Variants in GDAP2 observed in about 807,000 individuals in gnomAD.
GDAP2 encodes ganglioside induced differentiation associated protein 2, also known as ganglioside-induced differentiation-associated protein 2.
A neutral mutation model predicts 67.0 loss-of-function variants in GDAP2; 51 were observed. The observed-to-expected ratio is 0.76, with a 90% CI of 0.61 to 0.96. GDAP2 has a LOEUF of 0.96. Among genes scored for constraint, GDAP2 ranks in the 40% least tolerant of loss-of-function variants. GDAP2 has a pLI of 0.00. For missense variants in GDAP2, 547 were observed against 588.3 expected (o/e 0.93, Z 0.73); for synonymous variants, 203 against 207.3 (o/e 0.98, Z 0.18).
At chr1:117,876,317 T>A (rs80002960) in intron 13 of GDAP2, among the ~76,000 whole-genome samples, 1 of 152,110 alleles carries the variant, frequency 6.6e-6, no homozygotes, top group African/African-American at 2.4e-5. Context: ...TCCCTGCACA[T>A]ACTGGTTTCC....
chr1:117,899,041 G>A lies in GDAP2; in HGVS notation c.796+16C>T, dbSNP rs2101138696. The A allele has an allele frequency of 6.2e-7, 1 of 1,606,406 alleles. No individual in the cohort carries two copies. Among genetic ancestry groups the A allele is most frequent in the Non-Finnish European group, 8.5e-7 (1 of 1,173,552 alleles). ...CCTAAGAGGGAGATTTAAAAAGTTA[G>A]AGCTCTAGAACTCACCTTCTGGAGC... On this transcript the variant is annotated intron_variant, in intron 7 of 13. Transcript: ENST00000369443.
At chr1:117,913,024 A>T (rs150971857) in intron 3 of GDAP2, among the ~76,000 whole-genome samples, 261 of 152,296 alleles carry the variant, frequency 1.7e-3, no homozygotes, top group African/African-American at 6.0e-3. Flanking sequence ...AATACGAAGC[A>T]AGTTGATCTG....
chr1:117,918,873 A>G, intron 2 of GDAP2, 137 bp from the exon 3 acceptor site: 1 of 691,096 alleles, frequency 1.4e-6, no homozygotes, highest in Non-Finnish European at 2.4e-6. Context: ...GCAATAGTAG[A>G]AAAGAAATTT....
At chr1:117,922,540 G>A (rs1295732748) in intron 1 of GDAP2, among the ~76,000 whole-genome samples, 2 of 152,182 alleles carry the variant, frequency 1.3e-5, no homozygotes, top group Non-Finnish European at 2.9e-5. Context: ...GCCGGTCTGA[G>A]AAATAAAGGG....
intron 1 of GDAP2, among the ~76,000 whole-genome samples, chr1:117,921,207 T>G (rs1201421180): frequency 6.6e-6 from 1 of 151,780 alleles, no homozygotes; most frequent in Non-Finnish European, 1.5e-5. Context: ...GTCACTGCAC[T>G]CCAGCCTGGG....
At chr1:117,904,547 A>G (rs1649593120) in intron 6 of GDAP2, among the ~76,000 whole-genome samples, 1 of 152,206 alleles carries the variant, frequency 6.6e-6, no homozygotes, top group South Asian at 2.1e-4. Flanking sequence ...GACTTTTGAG[A>G]AAAAGATGGT....
chr1:117,884,470 G>A (rs982582676), intron 10 of GDAP2, among the ~76,000 whole-genome samples: 1 of 152,170 alleles, frequency 6.6e-6, no homozygotes, highest in Non-Finnish European at 1.5e-5. Context: ...CTCTTCAGAT[G>A]AGTCCTTGAC....
intron 13 of GDAP2, among the ~76,000 whole-genome samples, chr1:117,870,968 T>G (rs1055290602): frequency 5.3e-5 from 8 of 152,188 alleles, no homozygotes; most frequent in African/African-American, 1.9e-4. Flanking sequence ...TCACACAGAT[T>G]GCATAATTTG....
chr1:117,873,681 C>A (rs2101115449), intron 13 of GDAP2, among the ~76,000 whole-genome samples: 1 of 152,178 alleles, frequency 6.6e-6, no homozygotes, highest in African/African-American at 2.4e-5. Flanking sequence ...CCTGTCCTTT[C>A]CCCCTAATCT....
intron 13 of GDAP2, among the ~76,000 whole-genome samples, chr1:117,875,393 G>A (rs1176745812): frequency 1.3e-5 from 2 of 152,246 alleles, no homozygotes; most frequent in African/African-American, 2.4e-5. Flanking sequence ...CTGCAGGCAT[G>A]CAGCATGCAA....
At chr1:117,890,416 T>C (rs1185754663) in intron 8 of GDAP2, among the ~76,000 whole-genome samples, 1 of 151,534 alleles carries the variant, frequency 6.6e-6, no homozygotes, top group Non-Finnish European at 1.5e-5. Flanking sequence ...AATCTCTATA[T>C]CTATATCTAT....
At position 117,920,358 on chromosome 1, in the gene GDAP2, GGAA is replaced by G. The variant is rs1650204869; in HGVS notation, c.-4_-2del. ...GGGAAGGTGCACCTAAGGGATCCAT[GGAA>G]TGGGAACTTTGATTTGTCTTTTCCC... is the stretch of plus-strand genomic sequence containing the variant. On this transcript the variant is annotated 5_prime_UTR_variant, in exon 2 of 14. Transcript: ENST00000369443. 6.3e-7 allele frequency: 1 copy of G among 1,583,006 alleles called. No individual in the cohort carries two copies. Among genetic ancestry groups the G allele is most frequent in the Non-Finnish European group, 8.6e-7 (1 of 1,164,904 alleles).
chr1:117,922,085 T>A (rs1019681277), intron 1 of GDAP2, among the ~76,000 whole-genome samples: 2 of 152,136 alleles, frequency 1.3e-5, no homozygotes, highest in African/African-American at 4.8e-5. Context: ...ACATTTGAGA[T>A]GCTCATTCTA....
chr1:117,883,041 T>C (rs112786699), intron 11 of GDAP2: 2,036 of 152,594 alleles, frequency 0.013, 37 homozygotes, highest in South Asian at 0.092. Flanking sequence ...TAGCTCCAAG[T>C]CAGTAACCTG....
intron 13 of GDAP2, among the ~76,000 whole-genome samples, chr1:117,874,877 TC>T (rs1399542046): frequency 6.6e-6 from 1 of 152,184 alleles, no homozygotes; most frequent in East Asian, 1.9e-4. Context: ...ACTGTGTCCA[TC>T]CCCTAGGGTT....
rs1263951477 is a variant in GDAP2, at chr1:117,863,772, A to C, written c.*6797T>G. ...GATTTGAATCCTGATTCTACCACTC[A>C]ATATGTAATATATATAAAGAGCTTA... On this transcript the variant is annotated 3_prime_UTR_variant, in exon 14 of 14. Transcript: ENST00000369443. 6.6e-6 allele frequency: 1 copy of C among 152,234 alleles called. No individual in the cohort carries two copies. Among genetic ancestry groups the C allele is most frequent in the Non-Finnish European group, 1.5e-5 (1 of 68,044 alleles). 9.4% of individuals were successfully genotyped at this position (152,234 alleles called of 1,614,324 possible). A position where few individuals can be genotyped will look rare whatever the true frequency, so the allele number is the denominator to read the frequency against.
At position 117,866,023 on chromosome 1, in the gene GDAP2, C is replaced by T. The variant is rs1430956991; in HGVS notation, c.*4546G>A. ...TATATGTATATATGGTTAGGCCTAC[C>T]AGGCAATCCTTATCATCTCTGGGTT... is the stretch of plus-strand genomic sequence containing the variant. On this transcript the variant is annotated 3_prime_UTR_variant, in exon 14 of 14. Transcript: ENST00000369443. The T allele has an allele frequency of 2.0e-5, 3 of 152,118 alleles. No homozygotes were observed. Among genetic ancestry groups the T allele is most frequent in the Non-Finnish European group, 4.4e-5 (3 of 68,024 alleles). 9.4% of individuals were successfully genotyped at this position (152,118 alleles called of 1,614,324 possible). A position where few individuals can be genotyped will look rare whatever the true frequency, so the allele number is the denominator to read the frequency against.
intron 13 of GDAP2, chr1:117,877,514 C>G (rs181798022): frequency 2.1e-6 from 2 of 974,392 alleles, no homozygotes; most frequent in African/African-American, 1.8e-5. Context: ...ATAAACGCAT[C>G]TATAAATAAC....
At position 117,906,576 on chromosome 1, in the gene GDAP2, A is replaced by C; in HGVS notation, c.566T>G (p.Val189Gly). 6.6e-7 allele frequency: 1 copy of C among 1,515,104 alleles called. No homozygotes were observed. The highest frequency in any genetic ancestry group is 9.1e-7 in the Non-Finnish European group (1 of 1,094,774). The allele number at this position is 1,515,104 out of a possible 1,614,324, so 93.9% of individuals were successfully genotyped here. Reference protein sequence around the residue: ...EDATHIALRTVRRFLEIHGET... With the variant: ...EDATHIALRTGRRFLEIHGET... ...CCCATGAATCTCTAGGAATCTTCTT[A>C]CAGTGCCTAAGGAAAAGAATAGAAA... The change falls in exon 6 of 14, where the codon GTA (valine) becomes GGA (glycine). Residue 189 changes from valine to glycine, a missense_variant. By Grantham distance (109) the Val-to-Gly change is moderately radical. Transcript: ENST00000369443.
Sources: allele counts gnomAD v4.1 joint callset (sites outside exome capture counted in the v4.1 genomes callset), GRCh38; gene constraint gnomAD v4.1.1; transcripts MANE v1.5; gene names NCBI Gene and HGNC (gene_info 2026-07-23, HGNC 2026-07-21).